The following CYP39A1 variants were observed in gnomAD, a reference collection of about 807,000 sequenced individuals.
CYP39A1 encodes cytochrome P450 family 39 subfamily A member 1, also known as 24-hydroxycholesterol 7-alpha-hydroxylase.
In CYP39A1, 49 loss-of-function variants were observed where a neutral mutation model predicts 58.1. The observed-to-expected ratio is 0.84, with a 90% CI of 0.67 to 1.07. The LOEUF (loss-of-function observed/expected upper bound fraction) is 1.07, where lower values mean the gene tolerates loss of function less well. CYP39A1 is among the 50% of genes least tolerant of loss of function. The pLI is 0.00. For missense variants in CYP39A1, 531 were observed against 539.4 expected (o/e 0.98, Z 0.16); for synonymous variants, 209 against 187.6 (o/e 1.11, Z -0.93).
At chr6:46,550,502 G>T (rs2150473174) in intron 11 of CYP39A1, 65 bp from the exon 12 acceptor site, 2 of 1,411,904 alleles carry the variant, frequency 1.4e-6, no homozygotes, top group South Asian at 1.3e-5. Flanking sequence ...CAGACCTAAG[G>T]TTTATTCCAT....
At chr6:46,643,577 G>A (rs1309863787) in intron 1 of CYP39A1, among the ~76,000 whole-genome samples, 1 of 152,198 alleles carries the variant, frequency 6.6e-6, no homozygotes, top group Non-Finnish European at 1.5e-5. Flanking sequence ...TTGTTCAAAT[G>A]AGAATTCTTA....
intron 10 of CYP39A1, among the ~76,000 whole-genome samples, chr6:46,556,110 C>T (rs1010677343): frequency 3.6e-4 from 55 of 152,122 alleles, no homozygotes; most frequent in African/African-American, 1.2e-3. Flanking sequence ...CCATTCCTGG[C>T]CATGATAAAG....
chr6:46,591,730 G>A (rs757103913), intron 8 of CYP39A1, among the ~76,000 whole-genome samples: 4 of 151,842 alleles, frequency 2.6e-5, no homozygotes, highest in Non-Finnish European at 5.9e-5. Context: ...TACTTAAGAA[G>A]TTTAAAAAAA....
At chr6:46,572,520 T>C (rs1771647084) in intron 10 of CYP39A1, among the ~76,000 whole-genome samples, 1 of 152,214 alleles carries the variant, frequency 6.6e-6, no homozygotes, top group Non-Finnish European at 1.5e-5. Flanking sequence ...AAGTTTCTCC[T>C]GAAAAGTCCA....
chr6:46,600,856 C>A (rs1221681599), intron 7 of CYP39A1, among the ~76,000 whole-genome samples: 2 of 152,036 alleles, frequency 1.3e-5, no homozygotes, highest in Non-Finnish European at 2.9e-5. Context: ...TTCTGTGAGC[C>A]CTTACAACAA....
At chr6:46,634,282 A>C (rs919872818) in intron 5 of CYP39A1, among the ~76,000 whole-genome samples, 6 of 152,084 alleles carry the variant, frequency 3.9e-5, no homozygotes, top group Admixed American at 6.5e-5. Flanking sequence ...ATGTTACTTG[A>C]TCCTCCTTGC....
At chr6:46,602,408 G>A (rs1773566723) in intron 7 of CYP39A1, among the ~76,000 whole-genome samples, 1 of 152,058 alleles carries the variant, frequency 6.6e-6, no homozygotes, top group South Asian at 2.1e-4. Flanking sequence ...CAGATTGCAG[G>A]GATCCAAAAG....
At chr6:46,580,628 A>G (rs1267278307) in intron 10 of CYP39A1, among the ~76,000 whole-genome samples, 1 of 152,210 alleles carries the variant, frequency 6.6e-6, no homozygotes, top group Admixed American at 6.5e-5. Flanking sequence ...AATATCCAGA[A>G]TCTGTAAGGA....
At chr6:46,576,447 T>G (rs1169651638) in intron 10 of CYP39A1, among the ~76,000 whole-genome samples, 8 of 152,194 alleles carry the variant, frequency 5.3e-5, no homozygotes, top group African/African-American at 1.9e-4. Context: ...CAGAGCATTT[T>G]TTAACCTCCA....
chr6:46,613,939 C>CA (rs34289054), intron 7 of CYP39A1, among the ~76,000 whole-genome samples: 3,686 of 121,014 alleles, frequency 0.03, 47 homozygotes, highest in African/African-American at 0.045. Context: ...CACAAAGAAG[C>CA]AAAAAAAAAA....
intron 7 of CYP39A1, among the ~76,000 whole-genome samples, chr6:46,610,953 A>C (rs1476601820): frequency 6.6e-6 from 1 of 152,232 alleles, no homozygotes; most frequent in African/African-American, 2.4e-5. Context: ...CATGAGAAGG[A>C]AGGCTTAAAA....
At chr6:46,635,769 C>T (rs1263918305) in intron 5 of CYP39A1, among the ~76,000 whole-genome samples, 1 of 151,958 alleles carries the variant, frequency 6.6e-6, no homozygotes, top group Admixed American at 6.6e-5. Context: ...TGCTATGTTG[C>T]CCAGGTTGGT....
chr6:46,629,628 G>T (rs1775528152), intron 6 of CYP39A1, among the ~76,000 whole-genome samples: 1 of 152,102 alleles, frequency 6.6e-6, no homozygotes, highest in Non-Finnish European at 1.5e-5. Context: ...TCATGACTGA[G>T]AAAGCCTTTA....
chr6:46,595,151 A>G (rs1773071854), intron 8 of CYP39A1, among the ~76,000 whole-genome samples: 1 of 151,970 alleles, frequency 6.6e-6, no homozygotes, highest in African/African-American at 2.4e-5. Flanking sequence ...TATCATAAAG[A>G]TGAAAGATAA....
At chr6:46,553,716 T>A in intron 11 of CYP39A1, 51 bp downstream of exon 11, 1 of 1,237,128 alleles carries the variant, frequency 8.1e-7, no homozygotes, top group Non-Finnish European at 1.2e-6. Context: ...TGGGGGTGGT[T>A]ATGTCATATT....
In CYP39A1 at chr6:46,624,755, T is replaced by C. The variant is rs1259304176; in HGVS notation, c.931+663A>G. Among the ~76,000 whole-genome samples, 10 of 152,220 alleles carry C rather than the reference T, an allele frequency of 6.6e-5. No individual in the cohort carries two copies. The East Asian group carries it at 1.4e-3, about 21-fold the overall frequency. ...AGTTTAAAAAAGTCAACTCCCCAGATTGGTCAAATTATGCTGAATAAACAA... is the reference window on the plus strand; with the variant it reads ...AGTTTAAAAAAGTCAACTCCCCAGACTGGTCAAATTATGCTGAATAAACAA... On this transcript the variant is annotated intron_variant, in intron 7 of 11. Transcript: ENST00000275016.
At chr6:46,553,073 CAAAAAAAAAA>C (rs34991519) in intron 11 of CYP39A1, among the ~76,000 whole-genome samples, 2 of 81,410 alleles carry the variant, frequency 2.5e-5, no homozygotes, top group African/African-American at 9.2e-5. Context: ...ACCCCCCAAC[CAAAAAAAAAA>C]AAAAAAAAAA....
chr6:46,583,113 T>C, intron 10 of CYP39A1: 1 of 985,288 alleles, frequency 1.0e-6, no homozygotes, highest in Non-Finnish European at 1.2e-6. Context: ...AAAGTAAAAA[T>C]CACACTTTCT....
intron 4 of CYP39A1, among the ~76,000 whole-genome samples, chr6:46,637,228 C>T (rs1016960988): frequency 6.6e-6 from 1 of 152,214 alleles, no homozygotes; most frequent in Admixed American, 6.5e-5. Context: ...AGAACGTGAC[C>T]ATGCTGGCAC....
Sources: allele counts gnomAD v4.1 joint callset (sites outside exome capture counted in the v4.1 genomes callset), GRCh38; gene constraint gnomAD v4.1.1; transcripts MANE v1.5; gene names NCBI Gene and HGNC (gene_info 2026-07-23, HGNC 2026-07-21).